TULP4: variants seen among roughly 807,000 people sequenced by gnomAD.
TULP4 encodes tubby-related protein 4.
Under a neutral mutation model 129.0 loss-of-function variants are expected in TULP4, and 16 were observed. That is an observed-to-expected ratio of 0.12 (90% CI 0.08 to 0.19). The LOEUF (loss-of-function observed/expected upper bound fraction) is 0.19. Among genes scored for constraint, TULP4 ranks in the 10% least tolerant of loss-of-function variants. TULP4 has a pLI of 1.00. For missense variants in TULP4, 1,842 were observed against 2,059.1 expected (o/e 0.89, Z 2.04); for synonymous variants, 998 against 854.0 (o/e 1.17, Z -2.94).
chr6:158,259,001 G>T (rs905483986), intron 1 of TULP4, among the ~76,000 whole-genome samples: 3 of 152,086 alleles, frequency 2.0e-5, no homozygotes, highest in Admixed American at 6.5e-5. Context: ...AGGCTGAGGC[G>T]GGTGGATCAC....
rs865896425 is a variant in TULP4 at position 158,329,369 on chromosome 6, G to A, written c.252+15101G>A. ...ATATAATCCCTGTGACAACGTTTAA[G>A]GCAAAACCGAGATTTGTATGTTTTA... On this transcript the variant is annotated intron_variant, in intron 1 of 13. Transcript: ENST00000367097. Among the ~76,000 whole-genome samples, 4 of 151,184 alleles carry A rather than the reference G, an allele frequency of 2.6e-5. No homozygotes were observed. The South Asian group carries it at 8.4e-4, about 32-fold the overall frequency.
intron 1 of TULP4, among the ~76,000 whole-genome samples, chr6:158,341,865 CT>C (rs1039092071): frequency 1.3e-5 from 2 of 152,144 alleles, no homozygotes; most frequent in Non-Finnish European, 2.9e-5. Flanking sequence ...TGTGAGTTGT[CT>C]TTTCCCTTTG....
intron 1 of TULP4, among the ~76,000 whole-genome samples, chr6:158,276,982 C>T (rs1583697713): frequency 1.3e-5 from 2 of 152,154 alleles, no homozygotes; most frequent in South Asian, 2.1e-4. Context: ...TCCCGTTTCA[C>T]AGGCTTAAGT....
chr6:158,449,068 T>C lies in TULP4; in HGVS notation c.616T>C (p.Leu206=). Residue 206 remains leucine (L), a synonymous_variant, in exon 4 of 14, where the codon TTG becomes CTG. Transcript: ENST00000367097. ...CGGCAGAATGCTGGCCCACGTCCTC[T>C]TGCACGAGTCAGACGGTGTCCTCGG... ...CHGRMLAHVL[L]HESDGVLGMS... is the part of the protein sequence containing the mutation. 1 of 1,614,020 alleles carries C rather than the reference T, an allele frequency of 6.2e-7. No individual in the cohort carries two copies. The highest frequency in any genetic ancestry group is 1.3e-5 in the African/African-American group (1 of 75,054).
chr6:158,381,674 T>C (rs1434302684), intron 1 of TULP4, among the ~76,000 whole-genome samples: 1 of 152,160 alleles, frequency 6.6e-6, no homozygotes, highest in Non-Finnish European at 1.5e-5. Flanking sequence ...ACTGGCTGTG[T>C]AGGGTGGATT....
chr6:158,294,191 C>G (rs767669856), intron 1 of TULP4, among the ~76,000 whole-genome samples: 2 of 151,988 alleles, frequency 1.3e-5, no homozygotes, highest in Non-Finnish European at 1.5e-5. Context: ...TGGTGAAACC[C>G]TTTCTCTACT....
At chr6:158,234,544 C>T (rs1402327392) in intron 1 of TULP4, among the ~76,000 whole-genome samples, 1 of 152,224 alleles carries the variant, frequency 6.6e-6, no homozygotes, top group African/African-American at 2.4e-5. Flanking sequence ...TCATTTGCAA[C>T]ATCAATTAAC....
chr6:158,454,018 A>ACTTCC (rs373934513), intron 5 of TULP4, among the ~76,000 whole-genome samples: 8 of 114,620 alleles, frequency 7.0e-5, no homozygotes, highest in African/African-American at 1.1e-4. Flanking sequence ...CTGCCTCTGC[A>ACTTCC]CCGCCCCCCC....
chr6:158,433,494 C>G (rs146384245), intron 3 of TULP4, among the ~76,000 whole-genome samples: 30 of 152,304 alleles, frequency 2.0e-4, no homozygotes, highest in African/African-American at 7.0e-4. Flanking sequence ...GCAGGTAGAT[C>G]ACGAGGTCAG....
At chr6:158,241,948 CT>C in intron 1 of TULP4, 6 of 863,562 alleles carry the variant, frequency 6.9e-6, no homozygotes, top group Non-Finnish European at 1.2e-5. Context: ...AAACTCTACT[CT>C]TTCCGCATTG....
intron 1 of TULP4, among the ~76,000 whole-genome samples, chr6:158,358,537 CAG>C (rs1780698330): frequency 6.6e-6 from 1 of 152,184 alleles, no homozygotes; most frequent in Non-Finnish European, 1.5e-5. Context: ...CTGTGCATAA[CAG>C]AGATATTAAT....
intron 1 of TULP4, among the ~76,000 whole-genome samples, chr6:158,341,552 C>G (rs1010535479): frequency 4.6e-5 from 7 of 152,144 alleles, no homozygotes; most frequent in African/African-American, 1.7e-4. Flanking sequence ...GTTCCCTTTT[C>G]TCCACATTCT....
At chr6:158,399,680 T>C (rs1393591846) in intron 1 of TULP4, among the ~76,000 whole-genome samples, 2 of 121,766 alleles carry the variant, frequency 1.6e-5, no homozygotes, top group African/African-American at 6.7e-5. Context: ...ATAACGCTTA[T>C]TGAATCTTTC....
At chr6:158,259,100 C>T (rs1214236354) in intron 1 of TULP4, among the ~76,000 whole-genome samples, 2 of 152,072 alleles carry the variant, frequency 1.3e-5, no homozygotes, top group African/African-American at 4.8e-5. Flanking sequence ...GGTGGTGGTG[C>T]GTGCCTGTAA....
At chr6:158,396,532 T>C (rs183115950) in intron 1 of TULP4, among the ~76,000 whole-genome samples, 1 of 152,298 alleles carries the variant, frequency 6.6e-6, no homozygotes, top group East Asian at 1.9e-4. Flanking sequence ...AATTAATTAG[T>C]ATGAAGTTGA....
In TULP4 at chr6:158,313,343, C is replaced by G. The variant is rs748942077; in HGVS notation, c.-674C>G. On this transcript the variant is annotated 5_prime_UTR_variant, in exon 1 of 14. Coordinates refer to ENST00000367097, the MANE Select transcript of TULP4 (RefSeq NM_020245.5). ...ACAAGGAGAGAGTCTGTTTTTCTTC[C>G]TAAAATTTGGACTCTTGTCTGCACA... 1.2e-4 allele frequency: 47 copies of G among 396,304 alleles called. No individual in the cohort carries two copies. Among genetic ancestry groups the G allele is most frequent in the Non-Finnish European group, 7.1e-5 (16 of 225,154 alleles). The allele number at this position is 396,304 out of a possible 1,614,324, so 24.5% of individuals were successfully genotyped here.
chr6:158,453,842 A>G (rs1427501541), intron 5 of TULP4, among the ~76,000 whole-genome samples: 1 of 150,552 alleles, frequency 6.6e-6, no homozygotes, highest in Non-Finnish European at 1.5e-5. Context: ...AGTCCCAGCT[A>G]CTTGGGAGGC....
In TULP4 at chr6:158,353,246, T is replaced by C. The variant is rs1780569935; in HGVS notation, c.252+38978T>C. 4.6e-5 allele frequency among the ~76,000 whole-genome samples: 7 copies of C among 152,362 alleles called. No homozygotes were observed. The South Asian group carries it at 1.4e-3, about 32-fold the overall frequency. On this transcript the variant is annotated intron_variant, in intron 1 of 13. Coordinates refer to ENST00000367097, the MANE Select transcript of TULP4 (RefSeq NM_020245.5). ...ATAATGCTTCAAACCTACATATGAATTGGGCAGATGTCTCTGTTGCTGTAT... is the reference window on the plus strand; with the variant it reads ...ATAATGCTTCAAACCTACATATGAACTGGGCAGATGTCTCTGTTGCTGTAT...
At chr6:158,274,494 C>T (rs529257417) in intron 1 of TULP4, among the ~76,000 whole-genome samples, 1 of 151,656 alleles carries the variant, frequency 6.6e-6, no homozygotes, top group Admixed American at 6.6e-5. Flanking sequence ...CTTCCAGTGG[C>T]GGCCGGGCGC....
Sources: gnomAD v4.1 joint callset for allele counts (sites outside exome capture counted in the v4.1 genomes callset) on GRCh38, gnomAD v4.1.1 for gene constraint, MANE v1.5 for transcripts, NCBI Gene and HGNC (gene_info 2026-07-23, HGNC 2026-07-21) for gene names.